The following RBFOX1 variants were observed in gnomAD, a reference collection of about 807,000 sequenced individuals.
The protein encoded by RBFOX1 is RNA binding protein fox-1 homolog 1.
A neutral mutation model predicts 57.7 loss-of-function variants in RBFOX1; 8 were observed. The observed-to-expected ratio is 0.14, with a 90% CI of 0.08 to 0.25. The LOEUF is 0.25. RBFOX1 is among the 10% of genes least tolerant of loss of function. The pLI is 1.00. For missense variants in RBFOX1, 611 were observed against 548.5 expected, an observed-to-expected ratio of 1.11 and a Z score of -1.14; for synonymous variants, 326 against 222.4, an observed-to-expected ratio of 1.47 and a Z score of -4.15.
intron 2 of RBFOX1, among the ~76,000 whole-genome samples, chr16:5,561,233 C>T (rs935676764): frequency 6.6e-6 from 1 of 151,778 alleles, no homozygotes; most frequent in African/African-American, 2.4e-5. Context: ...TGAGCAGACT[C>T]TATTATGGCC....
chr16:5,458,805 C>A lies in RBFOX1; in HGVS notation c.220-8411C>A, dbSNP rs533686840. Among the ~76,000 whole-genome samples the A allele has an allele frequency of 2.0e-5, 3 of 152,352 alleles. No individual in the cohort carries two copies. The South Asian group carries it at 6.2e-4, about 32-fold the overall frequency. The stretch of plus-strand genomic sequence containing the variant: ...ATCCGTCCATCCATTCACCCTTCCA[C>A]AGTATTGGTTCTTACTGAGTTCCTG... On this transcript the variant is annotated intron_variant, in intron 1 of 2. Transcript: ENST00000585867.
At chr16:7,431,539 T>G (rs1293368914) in intron 4 of RBFOX1, among the ~76,000 whole-genome samples, 1 of 152,206 alleles carries the variant, frequency 6.6e-6, no homozygotes, top group Non-Finnish European at 1.5e-5. Context: ...CGCGCCACTG[T>G]GCCCGGCTTA....
intron 3 of RBFOX1, among the ~76,000 whole-genome samples, chr16:6,839,442 A>G (rs918862819): frequency 2.0e-5 from 3 of 152,202 alleles, no homozygotes; most frequent in Admixed American, 6.5e-5. Context: ...CCTGAAATTT[A>G]ACATGCTTCT....
intron 2 of RBFOX1, among the ~76,000 whole-genome samples, chr16:6,466,110 T>A (rs1403038974): frequency 6.6e-6 from 1 of 151,646 alleles, no homozygotes; most frequent in Non-Finnish European, 1.5e-5. Context: ...GCACCTGTAA[T>A]CCCAGCTACT....
chr16:5,871,481 T>TG (rs2057469282), intron 4 of RBFOX1, among the ~76,000 whole-genome samples: 1 of 152,202 alleles, frequency 6.6e-6, no homozygotes, highest in Admixed American at 6.5e-5. Context: ...CTAGACTCCT[T>TG]CCCCTTCAAA....
chr16:6,790,939 T>G (rs920990461), intron 3 of RBFOX1, among the ~76,000 whole-genome samples: 1 of 152,094 alleles, frequency 6.6e-6, no homozygotes, highest in Non-Finnish European at 1.5e-5. Flanking sequence ...GGGGTCTGAC[T>G]GTGTCACCCA....
chr16:7,248,516 C>G (rs960373884), intron 4 of RBFOX1, among the ~76,000 whole-genome samples: 2 of 152,210 alleles, frequency 1.3e-5, no homozygotes, highest in African/African-American at 4.8e-5. Flanking sequence ...TTAGGGGTAG[C>G]ATTACTTAAT....
At chr16:5,720,025 A>G (rs1473139198) in intron 3 of RBFOX1, among the ~76,000 whole-genome samples, 1 of 151,624 alleles carries the variant, frequency 6.6e-6, no homozygotes, top group Non-Finnish European at 1.5e-5. Flanking sequence ...GTAGGTTCCC[A>G]TTCCCCCTCA....
At chr16:6,653,133 C>G (rs911187871) in intron 2 of RBFOX1, among the ~76,000 whole-genome samples, 1 of 152,282 alleles carries the variant, frequency 6.6e-6, no homozygotes, top group East Asian at 1.9e-4. Flanking sequence ...CAGTGGGCTA[C>G]TTGGCTCATC....
chr16:5,542,539 G>A lies in RBFOX1; in HGVS notation c.259-56363G>A, dbSNP rs567873627. Among the ~76,000 whole-genome samples the A allele has an allele frequency of 7.6e-4, 115 of 151,872 alleles. 1 individual carries two copies. Among genetic ancestry groups the A allele is most frequent in the African/African-American group, 2.7e-3 (113 of 41,406 alleles). ...CCCAAAGTGCTGGGGTTACAGGCGT[G>A]AACCACCGCATCCAGCCATAGTTAT... On this transcript the variant is annotated intron_variant, in intron 2 of 2. Transcript: ENST00000585867.
chr16:7,453,803 A>G (rs1206850723), intron 4 of RBFOX1, among the ~76,000 whole-genome samples: 1 of 152,186 alleles, frequency 6.6e-6, no homozygotes, highest in Non-Finnish European at 1.5e-5. Flanking sequence ...ATTATGAAGC[A>G]CGGAGGAGCA....
intron 1 of RBFOX1, among the ~76,000 whole-genome samples, chr16:6,147,097 A>G (rs2096764031): frequency 6.6e-6 from 1 of 152,178 alleles, no homozygotes; most frequent in Admixed American, 6.5e-5. Flanking sequence ...CCACGGAATC[A>G]GAATTTGCAT....
chr16:6,972,846 G>A (rs1160917555), intron 3 of RBFOX1, among the ~76,000 whole-genome samples: 11 of 152,252 alleles, frequency 7.2e-5, no homozygotes, highest in African/African-American at 1.9e-4. Flanking sequence ...ACAAGGGGCC[G>A]GATGCAGTGG....
rs527420060 is a variant in RBFOX1 at position 5,557,989 on chromosome 16, G to A, written c.259-40913G>A. ...CTGGATGCCAAGGGGAGTTCAGCTG[G>A]TGGTGGTCAGAGACTCGCCACTGGG... On this transcript the variant is annotated intron_variant, in intron 2 of 2. Coordinates refer to the RBFOX1 transcript ENST00000585867. Among the ~76,000 whole-genome samples the A allele has an allele frequency of 5.6e-4, 86 of 152,234 alleles. 1 individual carries two copies. The South Asian group carries it at 0.015, about 27-fold the overall frequency.
intron 4 of RBFOX1, among the ~76,000 whole-genome samples, chr16:5,970,203 T>C (rs771358167): frequency 2.6e-5 from 4 of 152,192 alleles, no homozygotes; most frequent in African/African-American, 4.8e-5. Flanking sequence ...TGTCCACTTA[T>C]ATCTTGACAT....
chr16:6,690,098 G>A (rs1157291105), intron 3 of RBFOX1, among the ~76,000 whole-genome samples: 2 of 151,992 alleles, frequency 1.3e-5, no homozygotes, highest in Non-Finnish European at 2.9e-5. Context: ...GGAATTATCC[G>A]TGAGTGAAAT....
chr16:5,528,409 C>G (rs920756833), intron 2 of RBFOX1, among the ~76,000 whole-genome samples: 27 of 152,164 alleles, frequency 1.8e-4, no homozygotes, highest in African/African-American at 5.8e-4. Flanking sequence ...TGTGTTAACT[C>G]TGTGCTTGGC....
intron 1 of RBFOX1, among the ~76,000 whole-genome samples, chr16:6,152,215 A>G (rs930641364): frequency 6.6e-6 from 1 of 152,246 alleles, no homozygotes; most frequent in Non-Finnish European, 1.5e-5. Context: ...ATGGAATAAC[A>G]TAATTAATAG....
At chr16:5,956,882 G>A (rs1041910247) in intron 4 of RBFOX1, among the ~76,000 whole-genome samples, 5 of 150,564 alleles carry the variant, frequency 3.3e-5, no homozygotes, top group African/African-American at 1.2e-4. Context: ...TTTTGGCCAG[G>A]CTGCTTGGTC....
Sources: allele counts gnomAD v4.1 joint callset (sites outside exome capture counted in the v4.1 genomes callset), GRCh38; gene constraint gnomAD v4.1.1; transcripts MANE v1.5; gene names NCBI Gene and HGNC (gene_info 2026-07-23, HGNC 2026-07-21).